The following MAEA variants were observed in gnomAD, a reference collection of about 807,000 sequenced individuals.
MAEA encodes the protein E3 ubiquitin-protein transferase MAEA.
A neutral mutation model predicts 46.2 loss-of-function variants in MAEA; 22 were observed. The ratio of observed to expected loss-of-function variants is 0.48; its 90% CI spans 0.34 to 0.68. MAEA has a LOEUF of 0.68. Among genes scored for constraint, MAEA ranks in the 30% least tolerant of loss-of-function variants. The pLI is 0.01. For missense variants in MAEA, 393 were observed against 558.1 expected (o/e 0.70, Z 2.98); for synonymous variants, 246 against 222.6 (o/e 1.11, Z -0.94).
Position 1,301,150 on chromosome 4 carries a change from A to G in MAEA, c.70-10829A>G, listed in dbSNP as rs574593060. On this transcript the variant is annotated intron_variant, in intron 1 of 8. Coordinates refer to ENST00000303400, the MANE Select transcript of MAEA (RefSeq NM_001017405.3). ...ATTCTTCCTTCCCGTGCTGGTGAAA[A>G]CATGATGATGACACACTGAAATGCG... 2.0e-5 allele frequency among the ~76,000 whole-genome samples: 3 copies of G among 152,354 alleles called. No homozygotes were observed. The South Asian group carries it at 6.2e-4, about 32-fold the overall frequency.
rs749631025 is a variant in MAEA, at chr4:1,338,485, G to A, written c.963G>A (p.Leu321=). 6.2e-6 allele frequency: 10 copies of A among 1,613,156 alleles called. No homozygotes were observed. The highest frequency in any genetic ancestry group is 1.7e-5 in the Admixed American group (1 of 60,024). Residue 321 remains leucine (L), a synonymous_variant, in exon 8 of 9, where the codon CTG becomes CTA. Transcript: ENST00000303400. ...SPDCPVCSRS[L]NKLAQPLPMA... is the part of the protein sequence containing the mutation. ...ACTGCCCTGTGTGCAGCCGCTCCCT[G>A]AACAAGCTGGCGCAGCCCCTGCCCA...
chr4:1,320,273 G>T lies in MAEA; in HGVS notation c.457-2108G>T, dbSNP rs184704533. Among the ~76,000 whole-genome samples, 339 of 151,514 alleles carry T rather than the reference G, an allele frequency of 2.2e-3. 1 individual carries two copies. Among genetic ancestry groups the T allele is most frequent in the African/African-American group, 5.1e-3 (209 of 41,198 alleles). On this transcript the variant is annotated intron_variant, in intron 3 of 8. Transcript: ENST00000303400. Reference sequence around the variant, plus strand: ...CAAACGTGCAAGAAAACTCTATGACGGGGCTTCAGAAAAGAAATCAAAGCA... The same window carrying T: ...CAAACGTGCAAGAAAACTCTATGACTGGGCTTCAGAAAAGAAATCAAAGCA...
At chr4:1,330,280 C>A in intron 5 of MAEA, 1 of 251,400 alleles carries the variant, frequency 4.0e-6, no homozygotes. Context: ...CCTGGCCAGG[C>A]ACAGTTTAGG....
At chr4:1,305,305 C>T (rs1195968975) in intron 1 of MAEA, among the ~76,000 whole-genome samples, 1 of 152,196 alleles carries the variant, frequency 6.6e-6, no homozygotes, top group African/African-American at 2.4e-5. Context: ...GTGAGCCCGG[C>T]CCTGGTGAGG....
chr4:1,318,042 C>T (rs1300309819), intron 3 of MAEA, among the ~76,000 whole-genome samples: 2 of 152,222 alleles, frequency 1.3e-5, no homozygotes, highest in Non-Finnish European at 2.9e-5. Context: ...TGGGCCAGCA[C>T]ATGTCCGCTC....
At chr4:1,326,114 G>A (rs180929670) in intron 4 of MAEA, among the ~76,000 whole-genome samples, 7 of 152,320 alleles carry the variant, frequency 4.6e-5, no homozygotes, top group Admixed American at 2.0e-4. Flanking sequence ...GGTGCTATGC[G>A]TGTCGGGGCA....
In MAEA at chr4:1,337,006, C is replaced by T; in HGVS notation, c.899+12C>T. On this transcript the variant is annotated intron_variant, in intron 7 of 8. Transcript: ENST00000303400. Reference sequence around the variant, plus strand: ...GCCATCAAGACACCGTATCCTACCTCCCGTGCGCAGTGCGGTTTGGCCTGG... The same window carrying T: ...GCCATCAAGACACCGTATCCTACCTTCCGTGCGCAGTGCGGTTTGGCCTGG... The T allele has an allele frequency of 6.2e-7, 1 of 1,613,256 alleles. No individual in the cohort carries two copies. The highest frequency in any genetic ancestry group is 8.5e-7 in the Non-Finnish European group (1 of 1,179,756).
intron 1 of MAEA, among the ~76,000 whole-genome samples, chr4:1,294,594 G>A (rs950783824): frequency 6.6e-6 from 1 of 151,374 alleles, no homozygotes; most frequent in Non-Finnish European, 1.5e-5. Flanking sequence ...ACCCCCCTCC[G>A]CAGCAGTGGT....
intron 5 of MAEA, chr4:1,328,558 A>G (rs533226394): frequency 5.3e-6 from 6 of 1,132,652 alleles, no homozygotes; most frequent in East Asian, 6.6e-5. Flanking sequence ...GCGAGTGCCC[A>G]GCAGGTGTGT....
At chr4:1,329,714 G>T in intron 5 of MAEA, 3 of 985,592 alleles carry the variant, frequency 3.0e-6, no homozygotes, top group Non-Finnish European at 3.6e-6. Context: ...GTGGCAGGTG[G>T]GGCATCGGCA....
At chr4:1,291,360 A>G (rs926045310) in intron 1 of MAEA, among the ~76,000 whole-genome samples, 3 of 152,114 alleles carry the variant, frequency 2.0e-5, no homozygotes, top group African/African-American at 7.2e-5. Context: ...TTGATCAAGG[A>G]AGGGAGGGCA....
intron 5 of MAEA, chr4:1,329,692 A>T (rs1173159084): frequency 1.4e-5 from 14 of 985,406 alleles, no homozygotes; most frequent in African/African-American, 5.2e-5. Flanking sequence ...GGCACACGGG[A>T]GCTGGGCTGG....
intron 4 of MAEA, among the ~76,000 whole-genome samples, chr4:1,326,485 C>T (rs1172225649): frequency 1.3e-5 from 2 of 152,196 alleles, no homozygotes; most frequent in Non-Finnish European, 2.9e-5. Context: ...TGCCGCTGCC[C>T]CCACCCCAGC....
At chr4:1,306,665 A>G (rs929070728) in intron 1 of MAEA, among the ~76,000 whole-genome samples, 14 of 152,188 alleles carry the variant, frequency 9.2e-5, no homozygotes, top group African/African-American at 3.4e-4. Context: ...ACTTTCTTAC[A>G]TTGTTTTCTG....
chr4:1,299,911 C>G (rs1051877642), intron 1 of MAEA: 6 of 152,274 alleles, frequency 3.9e-5, no homozygotes, highest in Middle Eastern at 3.4e-3. Flanking sequence ...TTTCTGACCA[C>G]TGGGATTATA....
Position 1,315,555 on chromosome 4 carries a change from C to G in MAEA, c.411C>G (p.Gly137=), listed in dbSNP as rs769669739. The G allele has an allele frequency of 6.2e-7, 1 of 1,613,680 alleles. No homozygotes were observed. The highest frequency in any genetic ancestry group is 2.2e-5 in the East Asian group (1 of 44,880). The change falls in exon 3 of 9, where the codon GGC becomes GGG. Residue 137 remains glycine (G), a synonymous_variant. Coordinates refer to ENST00000303400, the MANE Select transcript of MAEA (RefSeq NM_001017405.3). ...RMMVEHLLRC[G]YYNTAVKLAR... ...TGGTGGAGCACCTGCTGCGTTGCGG[C>G]TACTACAACACGGCTGTCAAGCTGG...
At chr4:1,315,792 C>T (rs1386323479) in intron 3 of MAEA, among the ~76,000 whole-genome samples, 192 bp downstream of exon 3, 1 of 103,944 alleles carries the variant, frequency 9.6e-6, no homozygotes, top group African/African-American at 3.7e-5. Context: ...GTGTGTGTGT[C>T]CCCCTCCCCG....
At chr4:1,320,869 G>C (rs1737997630) in intron 3 of MAEA, among the ~76,000 whole-genome samples, 1 of 152,124 alleles carries the variant, frequency 6.6e-6, no homozygotes, top group African/African-American at 2.4e-5. Context: ...GGGAGGCCAA[G>C]GTGGGCAGAT....
At chr4:1,328,188 C>G (rs933705409) in intron 5 of MAEA, among the ~76,000 whole-genome samples, 1 of 152,240 alleles carries the variant, frequency 6.6e-6, no homozygotes, top group Non-Finnish European at 1.5e-5. Flanking sequence ...CGGCCTGTCT[C>G]CGACCCAAGG....
Sources: gnomAD v4.1 joint callset for allele counts (sites outside exome capture counted in the v4.1 genomes callset) on GRCh38, gnomAD v4.1.1 for gene constraint, MANE v1.5 for transcripts, NCBI Gene and HGNC (gene_info 2026-07-23, HGNC 2026-07-21) for gene names.